Variants in TRIM44 observed in about 807,000 individuals in gnomAD.
TRIM44 encodes the protein tripartite motif-containing protein 44.
A neutral mutation model predicts 37.4 loss-of-function variants in TRIM44; 13 were observed. The ratio of observed to expected loss-of-function variants is 0.35; its 90% CI spans 0.23 to 0.55. The LOEUF (loss-of-function observed/expected upper bound fraction) is 0.55, where lower values mean the gene tolerates loss of function less well. TRIM44 is among the 20% of genes least tolerant of loss of function. TRIM44 has a pLI of 0.89. For missense variants in TRIM44, 426 were observed against 437.2 expected, an observed-to-expected ratio of 0.97 and a Z score of 0.23; for synonymous variants, 175 against 157.2, an observed-to-expected ratio of 1.11 and a Z score of -0.85.
intron 2 of TRIM44, among the ~76,000 whole-genome samples, chr11:35,711,524 T>C (rs1208494158): frequency 3.3e-5 from 5 of 151,718 alleles, no homozygotes; most frequent in Non-Finnish European, 2.9e-5. Flanking sequence ...TCATAGGTTG[T>C]TGGGAAAATA....
chr11:35,673,643 C>G (rs552981547), intron 1 of TRIM44, among the ~76,000 whole-genome samples: 4 of 152,310 alleles, frequency 2.6e-5, no homozygotes, highest in African/African-American at 9.6e-5. Flanking sequence ...TCTCTATTCT[C>G]TCTCCTAGAA....
chr11:35,711,633 A>G (rs1330736529), intron 2 of TRIM44, among the ~76,000 whole-genome samples: 2 of 152,060 alleles, frequency 1.3e-5, no homozygotes, highest in African/African-American at 4.8e-5. Context: ...GCACATGCCT[A>G]TTGTCCCAGC....
chr11:35,675,645 C>A (rs1331137783), intron 1 of TRIM44, among the ~76,000 whole-genome samples: 1 of 152,146 alleles, frequency 6.6e-6, no homozygotes, highest in African/African-American at 2.4e-5. Flanking sequence ...CCTCAGCCTC[C>A]CAAGTGGCTG....
chr11:35,755,356 GT>G (rs36179409), intron 4 of TRIM44, among the ~76,000 whole-genome samples: 38,589 of 152,070 alleles, frequency 0.25, 5,989 homozygotes, highest in Middle Eastern at 0.45. Context: ...GGGGTTGTTT[GT>G]TTTTTTCTGT....
At chr11:35,741,840 T>C (rs537274652) in intron 4 of TRIM44, among the ~76,000 whole-genome samples, 44 of 152,320 alleles carry the variant, frequency 2.9e-4, no homozygotes, top group Admixed American at 5.2e-4. Flanking sequence ...CTTAGGGATA[T>C]GGATATAACT....
chr11:35,734,904 A>T (rs1852310083), intron 3 of TRIM44, among the ~76,000 whole-genome samples: 1 of 152,236 alleles, frequency 6.6e-6, no homozygotes, highest in Non-Finnish European at 1.5e-5. Context: ...ATAACTAATA[A>T]GTAACAGAGC....
chr11:35,692,611 T>C (rs1307496795), intron 2 of TRIM44, among the ~76,000 whole-genome samples: 1 of 152,138 alleles, frequency 6.6e-6, no homozygotes, highest in East Asian at 1.9e-4. Context: ...ACGTTTAACC[T>C]GGATTATATA....
At chr11:35,733,552 C>A (rs1043054412) in intron 3 of TRIM44, among the ~76,000 whole-genome samples, 4 of 152,206 alleles carry the variant, frequency 2.6e-5, no homozygotes, top group Non-Finnish European at 4.4e-5. Context: ...TACCCTCCCT[C>A]TACCACTCGC....
chr11:35,701,505 A>G (rs1353901344), intron 2 of TRIM44, among the ~76,000 whole-genome samples: 3 of 152,232 alleles, frequency 2.0e-5, no homozygotes, highest in Admixed American at 6.5e-5. Context: ...GATAAAGGTC[A>G]TGCAGATCTC....
chr11:35,700,491 T>C (rs770274047), intron 2 of TRIM44, among the ~76,000 whole-genome samples: 33 of 152,242 alleles, frequency 2.2e-4, no homozygotes, highest in Non-Finnish European at 4.3e-4. Flanking sequence ...AAAACTATTT[T>C]TTCAGTAGTC....
intron 2 of TRIM44, among the ~76,000 whole-genome samples, chr11:35,695,776 CA>C (rs1465874850): frequency 6.6e-6 from 1 of 151,832 alleles, no homozygotes; most frequent in Non-Finnish European, 1.5e-5. Context: ...ACATAATAAC[CA>C]CAGTTATGAT....
chr11:35,807,693 T>C lies in TRIM44; in HGVS notation c.*1308T>C, dbSNP rs137870591. 6.7e-3 allele frequency: 1,025 copies of C among 152,302 alleles called. 6 individuals are homozygous for C. The highest frequency in any genetic ancestry group is 0.023 in the African/African-American group (974 of 41,556). The allele number at this position is 152,302 out of a possible 1,614,324, so 9.4% of individuals were successfully genotyped here. On this transcript the variant is annotated 3_prime_UTR_variant, in exon 5 of 5. Transcript: ENST00000299413. ...CTATTTTTATATAAAAGTTATATTATAGAATAAAATGTTCATACGCATAGA... is the reference window on the plus strand; with the variant it reads ...CTATTTTTATATAAAAGTTATATTACAGAATAAAATGTTCATACGCATAGA...
chr11:35,707,749 T>C (rs1432011150), intron 2 of TRIM44, among the ~76,000 whole-genome samples: 4 of 144,760 alleles, frequency 2.8e-5, no homozygotes, highest in East Asian at 2.0e-4. Flanking sequence ...TTACACCTTA[T>C]ACAAAAATTA....
At chr11:35,730,160 A>G (rs1418660439) in intron 3 of TRIM44, among the ~76,000 whole-genome samples, 1 of 152,214 alleles carries the variant, frequency 6.6e-6, no homozygotes, top group Non-Finnish European at 1.5e-5. Context: ...AGAAATAAAG[A>G]TATTAAAAAG....
intron 2 of TRIM44, among the ~76,000 whole-genome samples, chr11:35,699,588 G>A: frequency 6.6e-6 from 1 of 151,958 alleles, no homozygotes; most frequent in Non-Finnish European, 1.5e-5. Context: ...ACATAGTGTT[G>A]AAAGTCCTGG....
At chr11:35,691,409 A>G (rs1357116649) in intron 2 of TRIM44, among the ~76,000 whole-genome samples, 1 of 152,194 alleles carries the variant, frequency 6.6e-6, no homozygotes, top group Non-Finnish European at 1.5e-5. Flanking sequence ...TTATAAAAGA[A>G]ATACAGTTGC....
intron 2 of TRIM44, among the ~76,000 whole-genome samples, chr11:35,685,969 C>T (rs775801999): frequency 4.6e-5 from 7 of 152,212 alleles, no homozygotes; most frequent in Non-Finnish European, 1.0e-4. Flanking sequence ...CTGAGAAATA[C>T]AGATCATCTT....
At chr11:35,667,201 C>CT (rs894635439) in intron 1 of TRIM44, among the ~76,000 whole-genome samples, 1 of 152,022 alleles carries the variant, frequency 6.6e-6, no homozygotes, top group Non-Finnish European at 1.5e-5. Flanking sequence ...ATATCAAATG[C>CT]TTTTTTTGCA....
chr11:35,782,170 G>T (rs569291922), intron 4 of TRIM44, among the ~76,000 whole-genome samples: 76 of 152,292 alleles, frequency 5.0e-4, no homozygotes, highest in Middle Eastern at 6.8e-3. Context: ...GGTTTATGGA[G>T]TACTTTGTGA....
Sources: gnomAD v4.1 joint callset for allele counts (sites outside exome capture counted in the v4.1 genomes callset) on GRCh38, gnomAD v4.1.1 for gene constraint, MANE v1.5 for transcripts, NCBI Gene and HGNC (gene_info 2026-07-23, HGNC 2026-07-21) for gene names.